ACER1: variants seen among roughly 807,000 people sequenced by gnomAD.
ACER1 encodes CTB-180A7.3.
Under a neutral mutation model 24.9 loss-of-function variants are expected in ACER1, and 28 were observed. That is an observed-to-expected ratio of 1.13 (90% confidence interval 0.83 to 1.54). The LOEUF is 1.54. ACER1 is among the 40% of genes most tolerant of loss of function. ACER1 has a pLI of 0.00. For missense variants in ACER1, 352 were observed against 349.3 expected, an observed-to-expected ratio of 1.01 and a Z score of -0.06; for synonymous variants, 132 against 131.4, an observed-to-expected ratio of 1.00 and a Z score of -0.03.
At chr19:6,341,883 C>A in the ACER1 span, among the ~76,000 whole-genome samples, 1 of 152,180 alleles carries the variant, frequency 6.6e-6, no homozygotes, top group South Asian at 2.1e-4. Flanking sequence ...CCTGCCTTGG[C>A]CTCCCAAAGT....
chr19:6,347,224 C>CT, the ACER1 span, among the ~76,000 whole-genome samples: 2,166 of 118,724 alleles, frequency 0.018, 73 homozygotes, highest in African/African-American at 0.068. Flanking sequence ...TTTTCTTTTT[C>CT]TTTTTTTTTT....
chr19:6,342,333 C>T, the ACER1 span, among the ~76,000 whole-genome samples: 1 of 141,846 alleles, frequency 7.0e-6, no homozygotes, highest in Non-Finnish European at 1.5e-5. Flanking sequence ...TTGATCTTGG[C>T]TCACTGCAAT....
chr19:6,344,829 CAATT>C, the ACER1 span, among the ~76,000 whole-genome samples: 1 of 133,280 alleles, frequency 7.5e-6, no homozygotes, highest in Non-Finnish European at 1.5e-5. Flanking sequence ...TCACAACAAT[CAATT>C]TATTTTATTT....
chr19:6,318,328 G>A (rs569447984), intron 1 of ACER1, among the ~76,000 whole-genome samples: 1 of 152,006 alleles, frequency 6.6e-6, no homozygotes, highest in African/African-American at 2.4e-5. Flanking sequence ...AATTAGCCAG[G>A]TGCGGTGGCG....
chr19:6,330,400 T>C (rs948295625), intron 1 of ACER1, among the ~76,000 whole-genome samples: 3 of 145,900 alleles, frequency 2.1e-5, no homozygotes, highest in African/African-American at 8.0e-5. Context: ...ATTCCTGACC[T>C]CAAATGATCT....
At chr19:6,339,957 G>T in the ACER1 span, among the ~76,000 whole-genome samples, 2 of 148,738 alleles carry the variant, frequency 1.3e-5, no homozygotes, top group African/African-American at 2.5e-5. Context: ...GAGCCACCAC[G>T]CCTGGCCTGA....
At chr19:6,350,194 G>A in the ACER1 span, among the ~76,000 whole-genome samples, 1 of 151,274 alleles carries the variant, frequency 6.6e-6, no homozygotes, top group African/African-American at 2.4e-5. Context: ...GGGTCCGGGC[G>A]TGGTGGCTCA....
At chr19:6,356,646 C>G in the ACER1 span, among the ~76,000 whole-genome samples, 4 of 151,766 alleles carry the variant, frequency 2.6e-5, no homozygotes, top group African/African-American at 9.7e-5. Flanking sequence ...AATTTTACCT[C>G]CAAAATATGC....
intron 1 of ACER1, among the ~76,000 whole-genome samples, chr19:6,315,512 T>C (rs1463453687): frequency 8.5e-5 from 13 of 152,148 alleles, no homozygotes; most frequent in Admixed American, 8.5e-4. Context: ...CCCCAGCAGC[T>C]GGGACTACAG....
chr19:6,318,502 G>A (rs2091614358), intron 1 of ACER1, among the ~76,000 whole-genome samples: 1 of 149,324 alleles, frequency 6.7e-6, no homozygotes, highest in Non-Finnish European at 1.5e-5. Context: ...AATAGGCCAG[G>A]CACAGTGGCT....
At chr19:6,317,083 C>T (rs1045666705) in intron 1 of ACER1, among the ~76,000 whole-genome samples, 2 of 150,496 alleles carry the variant, frequency 1.3e-5, no homozygotes, top group Non-Finnish European at 3.0e-5. Context: ...AAGCGATTCT[C>T]CTGCCTCAGC....
At chr19:6,312,913 G>T (rs982287708) in intron 1 of ACER1, among the ~76,000 whole-genome samples, 2 of 152,010 alleles carry the variant, frequency 1.3e-5, no homozygotes, top group African/African-American at 4.8e-5. Flanking sequence ...CTGACCTCAG[G>T]TGATCCGCCC....
Position 6,312,191 on chromosome 19 carries a change from C to A in ACER1, c.308G>T (p.Trp103Leu), listed in dbSNP as rs1568308810. 2 of 1,613,846 alleles carry A rather than the reference C, an allele frequency of 1.2e-6. No homozygotes were observed. Among genetic ancestry groups the A allele is most frequent in the African/African-American group, 2.7e-5 (2 of 74,922 alleles). Residue 103 changes from tryptophan (W) to leucine (L), a missense_variant, in exon 3 of 6, where the codon TGG becomes TTG. Physicochemically the swap from Trp to Leu is moderately conservative, Grantham distance 61 (BLOSUM62 -2). Transcript: ENST00000301452. ...LWLLGSGYSI[W>L]MPRCYFPSFL... ...GGAGGGGAAATAGCAGCGGGGCATC[C>A]ATATGCTATAGCCACTGCCCAGGAG...
the ACER1 span, among the ~76,000 whole-genome samples, chr19:6,355,287 G>T: frequency 1.4e-5 from 2 of 144,102 alleles, no homozygotes; most frequent in Non-Finnish European, 3.0e-5. Flanking sequence ...GCCGCCCATC[G>T]TCTGGGACGT....
intron 1 of ACER1, among the ~76,000 whole-genome samples, chr19:6,322,666 G>A (rs771471831): frequency 3.9e-5 from 6 of 152,116 alleles, no homozygotes; most frequent in Non-Finnish European, 8.8e-5. Flanking sequence ...ATTCTTCTTT[G>A]GAGAATGATA....
chr19:6,359,279 C>T, the ACER1 span, among the ~76,000 whole-genome samples: 1 of 151,192 alleles, frequency 6.6e-6, no homozygotes, highest in East Asian at 1.9e-4. Context: ...ACTTCTTATA[C>T]ATCAAAATCC....
chr19:6,325,606 T>TA (rs2091657218), intron 1 of ACER1, among the ~76,000 whole-genome samples: 1 of 152,208 alleles, frequency 6.6e-6, no homozygotes, highest in Non-Finnish European at 1.5e-5. Context: ...TGAGCCAAGA[T>TA]CGTGCCACTG....
chr19:6,313,013 C>G (rs2091589388), intron 1 of ACER1, among the ~76,000 whole-genome samples: 1 of 152,152 alleles, frequency 6.6e-6, no homozygotes, highest in African/African-American at 2.4e-5. Flanking sequence ...GCTGGTCATC[C>G]ATAGATCAAT....
At chr19:6,348,332 GCAC>G in the ACER1 span, among the ~76,000 whole-genome samples, 3 of 151,608 alleles carry the variant, frequency 2.0e-5, no homozygotes, top group African/African-American at 7.3e-5. Flanking sequence ...GGGTGTGGTG[GCAC>G]GCGCCTGTAA....
Sources: allele counts gnomAD v4.1 joint callset (sites outside exome capture counted in the v4.1 genomes callset), GRCh38; gene constraint gnomAD v4.1.1; transcripts MANE v1.5; gene names NCBI Gene and HGNC (gene_info 2026-07-23, HGNC 2026-07-21).